EXOC2: variants seen among roughly 807,000 people sequenced by gnomAD.
The protein encoded by EXOC2 is SEC5-like 1.
In EXOC2, 70 loss-of-function variants were observed where a neutral mutation model predicts 131.8. The observed-to-expected ratio is 0.53, with a 90% confidence interval of 0.44 to 0.65. EXOC2 has a LOEUF of 0.65. EXOC2 is among the 30% of genes least tolerant of loss of function. EXOC2 has a pLI of 0.00. For synonymous variants in EXOC2, 411 were observed against 398.4 expected (o/e 1.03, Z -0.38); for missense variants, 923 against 1,108.6 (o/e 0.83, Z 2.38).
chr6:624,074 A>T (rs1761431467), intron 4 of EXOC2, among the ~76,000 whole-genome samples: 1 of 152,218 alleles, frequency 6.6e-6, no homozygotes, highest in East Asian at 1.9e-4. Context: ...AGGCATCCTG[A>T]TTCCATATTC....
chr6:680,369 G>C (rs940745740), intron 1 of EXOC2, among the ~76,000 whole-genome samples: 1 of 152,178 alleles, frequency 6.6e-6, no homozygotes, highest in Non-Finnish European at 1.5e-5. Context: ...ATACAAACAA[G>C]GGCCTATGCT....
intron 1 of EXOC2, among the ~76,000 whole-genome samples, chr6:655,482 C>G (rs1561977646): frequency 6.6e-6 from 1 of 152,192 alleles, no homozygotes; most frequent in Non-Finnish European, 1.5e-5. Flanking sequence ...CTTGGAGTAT[C>G]TCTGAGACAT....
In EXOC2 at chr6:555,147, A is replaced by G. The variant is rs181898699; in HGVS notation, c.2054+80T>C. On this transcript the variant is annotated intron_variant, in intron 20 of 27. Coordinates refer to ENST00000230449, the MANE Select transcript of EXOC2 (RefSeq NM_018303.6). Reference sequence around the variant, plus strand: ...TCTTTCTTACTAGAAGTCTTAGGATATAAGACCAAGCATAAAACTTGAGCC... The same window carrying G: ...TCTTTCTTACTAGAAGTCTTAGGATGTAAGACCAAGCATAAAACTTGAGCC... 1.5e-3 allele frequency: 1,104 copies of G among 761,262 alleles called. 11 individuals carry two copies. The African/African-American group carries it at 0.017, about 12-fold the overall frequency. 47.2% of individuals were successfully genotyped at this position (761,262 alleles called of 1,614,324 possible).
chr6:608,007 A>G (rs1434172540), intron 7 of EXOC2, among the ~76,000 whole-genome samples: 1 of 152,278 alleles, frequency 6.6e-6, no homozygotes, highest in African/African-American at 2.4e-5. Flanking sequence ...AAAAAACTGA[A>G]GAAATATCCA....
rs1029096506 is a variant in EXOC2 at position 693,076 on chromosome 6, C to G, written c.-101G>C. 6.6e-6 allele frequency: 1 copy of G among 152,368 alleles called. No homozygotes were observed. The highest frequency in any genetic ancestry group is 2.4e-5 in the African/African-American group (1 of 41,464). The allele number at this position is 152,368 out of a possible 1,614,324, so 9.4% of individuals were successfully genotyped here. A position where few individuals can be genotyped will look rare whatever the true frequency, so the allele number is the denominator to read the frequency against. On this transcript the variant is annotated 5_prime_UTR_variant, in exon 1 of 28. Coordinates refer to ENST00000230449, the MANE Select transcript of EXOC2 (RefSeq NM_018303.6). ...ACAGACAGGGCCCGGTAGGTCTCGC[C>G]GAAGACTCCGCGGCCGCCAGCCGCC...
At chr6:499,796 G>A in intron 23 of EXOC2, 96 bp from the exon 24 acceptor site, 1 of 939,298 alleles carries the variant, frequency 1.1e-6, no homozygotes, top group Non-Finnish European at 1.7e-6. Flanking sequence ...AGAGTTTTCT[G>A]AGGAGAAACA....
At chr6:552,241 C>A (rs1242319660) in intron 21 of EXOC2, among the ~76,000 whole-genome samples, 3 of 152,240 alleles carry the variant, frequency 2.0e-5, no homozygotes, top group Non-Finnish European at 4.4e-5. Context: ...TGCCGACATA[C>A]CTAGGCAGGA....
intron 13 of EXOC2, among the ~76,000 whole-genome samples, chr6:567,701 T>G (rs902332727): frequency 2.6e-5 from 4 of 152,190 alleles, no homozygotes; most frequent in Non-Finnish European, 4.4e-5. Flanking sequence ...CATGCATACA[T>G]GTGCATGTGT....
intron 17 of EXOC2, among the ~76,000 whole-genome samples, chr6:561,387 G>A (rs751961479): frequency 6.6e-5 from 10 of 152,194 alleles, no homozygotes; most frequent in African/African-American, 9.7e-5. Flanking sequence ...CTTGGTATAT[G>A]AAGGGATCTG....
chr6:543,512 CCA>C (rs1756672862), intron 22 of EXOC2, among the ~76,000 whole-genome samples: 1 of 152,028 alleles, frequency 6.6e-6, no homozygotes, highest in Non-Finnish European at 1.5e-5. Flanking sequence ...GGCATGGTAA[CCA>C]CAGTTAATAA....
intron 11 of EXOC2, among the ~76,000 whole-genome samples, chr6:590,544 G>A (rs1004954086): frequency 6.6e-6 from 1 of 152,144 alleles, no homozygotes; most frequent in Non-Finnish European, 1.5e-5. Flanking sequence ...CCTGATGAGG[G>A]CCATTACTCC....
At chr6:638,631 A>C (rs555535072) in intron 1 of EXOC2, among the ~76,000 whole-genome samples, 1 of 152,264 alleles carries the variant, frequency 6.6e-6, no homozygotes, top group African/African-American at 2.4e-5. Context: ...ACAGGAGGCA[A>C]GCAATAAATA....
intron 22 of EXOC2, among the ~76,000 whole-genome samples, chr6:541,081 T>C (rs1351731324): frequency 1.3e-5 from 2 of 152,204 alleles, no homozygotes; most frequent in African/African-American, 2.4e-5. Flanking sequence ...ACTGTCCACA[T>C]ATGAGCTTAC....
At chr6:562,697 A>T in intron 17 of EXOC2, 87 bp downstream of exon 17, 2 of 852,818 alleles carry the variant, frequency 2.3e-6, no homozygotes, top group African/African-American at 1.8e-5. Flanking sequence ...GCTGCAACAC[A>T]TGGAGCACAT....
At chr6:623,686 G>GA (rs1418004787) in intron 4 of EXOC2, among the ~76,000 whole-genome samples, 1 of 152,172 alleles carries the variant, frequency 6.6e-6, no homozygotes, top group African/African-American at 2.4e-5. Flanking sequence ...CTTAACTGGG[G>GA]AGAGATCAAC....
At chr6:687,171 CTTTTTTTT>C (rs762736216) in intron 1 of EXOC2, among the ~76,000 whole-genome samples, 6 of 78,366 alleles carry the variant, frequency 7.7e-5, no homozygotes, top group Admixed American at 6.6e-4. Context: ...AAATAATATT[CTTTTTTTT>C]TTTTTTTTTT....
rs372908612 is a variant in EXOC2, at chr6:619,505, T to C, written c.461A>G (p.His154Arg). 10 of 1,614,078 alleles carry C rather than the reference T, an allele frequency of 6.2e-6. No homozygotes were observed. The South Asian group carries it at 7.7e-5, about 12-fold the overall frequency. ...FSQKDLEMLF[H>R]GMSADFTSEN... ...ACTTGTAAAATCAGCACTCATTCCA[T>C]GGAATAGCATTTCTAAGTCCTTCTG... Residue 154 changes from histidine (H) to arginine (R), a missense_variant, in exon 5 of 28, where the codon CAT becomes CGT. His to Arg is a conservative substitution (Grantham distance 29). Transcript: ENST00000230449.
At chr6:680,053 TAAAC>T (rs1339983143) in intron 1 of EXOC2, among the ~76,000 whole-genome samples, 2 of 152,110 alleles carry the variant, frequency 1.3e-5, no homozygotes, top group Non-Finnish European at 2.9e-5. Flanking sequence ...ATGGAAATCT[TAAAC>T]ATACATAAGA....
chr6:518,363 A>G (rs1182881191), intron 23 of EXOC2, among the ~76,000 whole-genome samples: 1 of 152,192 alleles, frequency 6.6e-6, no homozygotes. Context: ...CGGTTTGGAG[A>G]TATGTCTCAA....
Sources: allele counts gnomAD v4.1 joint callset (sites outside exome capture counted in the v4.1 genomes callset), GRCh38; gene constraint gnomAD v4.1.1; transcripts MANE v1.5; gene names NCBI Gene and HGNC (gene_info 2026-07-23, HGNC 2026-07-21).